NEBL: variants seen among roughly 807,000 people sequenced by gnomAD.
NEBL encodes nebulette, also known as LIM and SH3 protein 2.
In NEBL, 122 loss-of-function variants were observed where a neutral mutation model predicts 140.2. The ratio of observed to expected loss-of-function variants is 0.87; its 90% CI spans 0.75 to 1.01. The LOEUF is 1.01. Among genes scored for constraint, NEBL ranks in the 50% least tolerant of loss-of-function variants. The pLI is 0.00. For missense variants in NEBL, 1,365 were observed against 1,231.3 expected, an observed-to-expected ratio of 1.11 and a Z score of -1.62; for synonymous variants, 436 against 398.9, an observed-to-expected ratio of 1.09 and a Z score of -1.11.
At chr10:21,030,330 C>G in intron 2 of NEBL, 3 of 638,472 alleles carry the variant, frequency 4.7e-6, no homozygotes, top group South Asian at 4.5e-5. Flanking sequence ...TCATCGCACA[C>G]TGGGACCTCC....
chr10:20,875,042 C>T lies in NEBL; in HGVS notation c.481-5201G>A, dbSNP rs557703539. ...GCATGAGTCACTGCACCCAGCCTCA[C>T]ATTTTTCTACAGTGCCAAATCTGTT... On this transcript the variant is annotated intron_variant, in intron 5 of 27. Coordinates refer to ENST00000377122, the MANE Select transcript of NEBL (RefSeq NM_006393.3). Among the ~76,000 whole-genome samples, 203 of 152,296 alleles carry T rather than the reference C, an allele frequency of 1.3e-3. 1 individual carries two copies. Among genetic ancestry groups the T allele is most frequent in the Middle Eastern group, 3.4e-3 (1 of 294 alleles).
At chr10:20,856,287 C>T (rs1190876768) in intron 9 of NEBL, among the ~76,000 whole-genome samples, 2 of 152,080 alleles carry the variant, frequency 1.3e-5, no homozygotes, top group Non-Finnish European at 2.9e-5. Flanking sequence ...TATTAGACTG[C>T]GATTTTTTTC....
At chr10:21,228,299 A>G (rs1271655711) in intron 3 of NEBL, among the ~76,000 whole-genome samples, 1 of 152,094 alleles carries the variant, frequency 6.6e-6, no homozygotes, top group Non-Finnish European at 1.5e-5. Flanking sequence ...GACTACAGGT[A>G]AAAACCACCA....
intron 4 of NEBL, among the ~76,000 whole-genome samples, chr10:20,939,188 G>A (rs1834690645): frequency 6.6e-6 from 1 of 152,182 alleles, no homozygotes; most frequent in South Asian, 2.1e-4. Flanking sequence ...CAGCCAGAAA[G>A]GTCAGGTTAC....
chr10:21,247,008 C>T (rs1842525402), intron 3 of NEBL, among the ~76,000 whole-genome samples: 1 of 152,028 alleles, frequency 6.6e-6, no homozygotes, highest in South Asian at 2.1e-4. Flanking sequence ...TGAGTGAGTT[C>T]TCATGAGATC....
At chr10:20,999,868 A>G (rs1373799368) in intron 3 of NEBL, among the ~76,000 whole-genome samples, 1 of 152,088 alleles carries the variant, frequency 6.6e-6, no homozygotes, top group Non-Finnish European at 1.5e-5. Flanking sequence ...ACTCTAATTC[A>G]AAGAAATGCA....
At chr10:21,200,311 T>TTC (rs921693813) in intron 3 of NEBL, among the ~76,000 whole-genome samples, 3 of 130,466 alleles carry the variant, frequency 2.3e-5, no homozygotes, top group Non-Finnish European at 3.3e-5. Flanking sequence ...CAAGGGACTT[T>TTC]TTTTTTTTTT....
chr10:20,931,317 G>A (rs1362430718), intron 4 of NEBL, among the ~76,000 whole-genome samples: 1 of 152,118 alleles, frequency 6.6e-6, no homozygotes, highest in Admixed American at 6.5e-5. Flanking sequence ...TGATGTTTCA[G>A]AATCAACTCT....
intron 4 of NEBL, among the ~76,000 whole-genome samples, chr10:20,952,304 C>T (rs556122915): frequency 6.6e-6 from 1 of 151,576 alleles, no homozygotes; most frequent in South Asian, 2.1e-4. Context: ...GGGCGTGGTG[C>T]CAGGCACCTG....
Position 20,780,256 on chromosome 10 carries a change from A to G in NEBL, c.*5491T>C, listed in dbSNP as rs1353374857. ...TATGTACTCAATTTGTGCACTTTCTATTCTATGCTCCAAACCATTTCTTTC... is the reference window on the plus strand; with the variant it reads ...TATGTACTCAATTTGTGCACTTTCTGTTCTATGCTCCAAACCATTTCTTTC... On this transcript the variant is annotated 3_prime_UTR_variant, in exon 28 of 28. Transcript: ENST00000377122. 1 of 152,230 alleles carries G rather than the reference A, an allele frequency of 6.6e-6. No individual in the cohort carries two copies. The highest frequency in any genetic ancestry group is 6.5e-5 in the Admixed American group (1 of 15,278). The allele number at this position is 152,230 out of a possible 1,614,324, so 9.4% of individuals were successfully genotyped here.
At chr10:21,214,125 A>T (rs1841954680) in intron 3 of NEBL, among the ~76,000 whole-genome samples, 1 of 151,672 alleles carries the variant, frequency 6.6e-6, no homozygotes, top group Non-Finnish European at 1.5e-5. Context: ...TTTACTCATG[A>T]ATTTCATGTA....
chr10:21,277,623 T>C (rs1185067585), intron 1 of NEBL, among the ~76,000 whole-genome samples: 6 of 152,200 alleles, frequency 3.9e-5, no homozygotes, highest in Admixed American at 6.5e-5. Context: ...CAGTTAGTCA[T>C]TGGTGCTACC....
intron 26 of NEBL, among the ~76,000 whole-genome samples, chr10:20,790,928 C>A (rs1391514329): frequency 6.6e-6 from 1 of 152,142 alleles, no homozygotes; most frequent in Admixed American, 6.5e-5. Context: ...CAAACAAGGG[C>A]TTTTCAATCA....
intron 10 of NEBL, among the ~76,000 whole-genome samples, chr10:20,851,179 T>C (rs1300383473): frequency 6.6e-6 from 1 of 152,202 alleles, no homozygotes; most frequent in African/African-American, 2.4e-5. Flanking sequence ...TGGTTGGCTT[T>C]TTAAGCAATA....
In NEBL at chr10:21,133,584, G is replaced by A. The variant is rs117549860; in HGVS notation, c.164+38799C>T. Among the ~76,000 whole-genome samples the A allele has an allele frequency of 2.6e-5, 4 of 152,290 alleles. No individual in the cohort carries two copies. In the East Asian group the frequency reaches 5.8e-4, roughly 22 times the overall value. Reference sequence around the variant, plus strand: ...AGAAAACATAGGGAATCTTCATAGAGTTGGAAGGATTATGTGAATGAATAT... The same window carrying A: ...AGAAAACATAGGGAATCTTCATAGAATTGGAAGGATTATGTGAATGAATAT... On this transcript the variant is annotated intron_variant, in intron 2 of 6. Coordinates refer to the NEBL transcript ENST00000417816.
In NEBL at chr10:21,121,796, T is replaced by C. The variant is rs1036069668; in HGVS notation, c.164+50587A>G. ...GCACATTAGACAGCCTGGAGATAGATGTGTTTTGCATGTAAACCCACCAGG... is the reference window on the plus strand; with the variant it reads ...GCACATTAGACAGCCTGGAGATAGACGTGTTTTGCATGTAAACCCACCAGG... On this transcript the variant is annotated intron_variant, in intron 2 of 6. Transcript: ENST00000417816. Among the ~76,000 whole-genome samples the C allele has an allele frequency of 4.6e-5, 7 of 152,210 alleles. 1 individual carries two copies. Among genetic ancestry groups the C allele is most frequent in the Non-Finnish European group, 5.9e-5 (4 of 68,038 alleles).
At chr10:20,951,317 A>C (rs1425219465) in intron 4 of NEBL, among the ~76,000 whole-genome samples, 3 of 152,116 alleles carry the variant, frequency 2.0e-5, no homozygotes, top group Non-Finnish European at 4.4e-5. Flanking sequence ...ATTCTGTACA[A>C]AAGAGAAAAA....
intron 3 of NEBL, among the ~76,000 whole-genome samples, chr10:21,233,824 T>A (rs867172221): frequency 1.4e-5 from 2 of 138,800 alleles, no homozygotes; most frequent in African/African-American, 5.1e-5. Flanking sequence ...ATTACATATA[T>A]ATGCATATAT....
At chr10:21,187,588 G>A (rs914877675) in intron 3 of NEBL, among the ~76,000 whole-genome samples, 5 of 151,822 alleles carry the variant, frequency 3.3e-5, no homozygotes, top group South Asian at 4.2e-4. Flanking sequence ...ATCACGGCTC[G>A]CTGTAGCCTC....
Sources: gnomAD v4.1 joint callset for allele counts (sites outside exome capture counted in the v4.1 genomes callset) on GRCh38, gnomAD v4.1.1 for gene constraint, MANE v1.5 for transcripts, NCBI Gene and HGNC (gene_info 2026-07-23, HGNC 2026-07-21) for gene names.